The following SHROOM3 variants were observed in gnomAD, a reference collection of about 807,000 sequenced individuals.
SHROOM3 encodes the protein protein Shroom3.
A neutral mutation model predicts 138.6 loss-of-function variants in SHROOM3; 47 were observed. The ratio of observed to expected loss-of-function variants is 0.34; its 90% CI spans 0.27 to 0.43. The LOEUF is 0.43. Ranked by LOEUF, SHROOM3 falls within the 20% of genes least tolerant of loss-of-function variation. SHROOM3 has a pLI of 1.00. For synonymous variants in SHROOM3, 1,062 were observed against 1,063.3 expected (o/e 1.00, Z 0.02); for missense variants, 2,491 against 2,596.5 (o/e 0.96, Z 0.88).
intron 2 of SHROOM3, among the ~76,000 whole-genome samples, chr4:76,576,689 G>A (rs945534761): frequency 6.6e-6 from 1 of 152,064 alleles, no homozygotes; most frequent in Non-Finnish European, 1.5e-5. Flanking sequence ...GGCTTGAGGA[G>A]ATGGATACCC....
At chr4:76,552,727 C>T (rs1733391744) in intron 1 of SHROOM3, among the ~76,000 whole-genome samples, 1 of 151,272 alleles carries the variant, frequency 6.6e-6, no homozygotes, top group African/African-American at 2.4e-5. Context: ...ATTGCTTGGT[C>T]TATTTTATGT....
intron 6 of SHROOM3, among the ~76,000 whole-genome samples, chr4:76,753,047 C>T (rs1377916989): frequency 4.6e-5 from 7 of 152,092 alleles, no homozygotes; most frequent in Non-Finnish European, 4.4e-5. Flanking sequence ...TACTTGGTGG[C>T]AGGTACTGGG....
intron 9 of SHROOM3, among the ~76,000 whole-genome samples, chr4:76,762,920 A>G (rs1214442152): frequency 6.6e-6 from 1 of 152,226 alleles, no homozygotes; most frequent in African/African-American, 2.4e-5. Flanking sequence ...ATAAAACCTG[A>G]GATCAGCATT....
At chr4:76,772,603 G>A (rs1722400589) in intron 10 of SHROOM3, among the ~76,000 whole-genome samples, 1 of 152,184 alleles carries the variant, frequency 6.6e-6, no homozygotes, top group African/African-American at 2.4e-5. Flanking sequence ...TCGTGTAAAT[G>A]TGCTGAGTCA....
chr4:76,586,340 C>G (rs777036981), intron 2 of SHROOM3: 10 of 985,590 alleles, frequency 1.0e-5, no homozygotes, highest in Admixed American at 1.2e-4. Flanking sequence ...CAGAACCGTG[C>G]CTCTAGGCCA....
At chr4:76,778,547 T>G (rs377157591) in intron 10 of SHROOM3, among the ~76,000 whole-genome samples, 3 of 152,180 alleles carry the variant, frequency 2.0e-5, no homozygotes, top group East Asian at 1.9e-4. Flanking sequence ...AAGTCAAGAA[T>G]CTGAAAGCAA....
intron 1 of SHROOM3, among the ~76,000 whole-genome samples, chr4:76,555,136 A>G (rs1159405977): frequency 1.3e-5 from 2 of 151,998 alleles, no homozygotes; most frequent in Non-Finnish European, 2.9e-5. Flanking sequence ...TAAAGTGCAC[A>G]ATAAATGCAA....
At chr4:76,455,848 T>C (rs1318962550) in intron 1 of SHROOM3, among the ~76,000 whole-genome samples, 1 of 152,158 alleles carries the variant, frequency 6.6e-6, no homozygotes. Flanking sequence ...CTTGAAAACG[T>C]GCATCCCCAG....
chr4:76,623,005 A>G (rs775114978), intron 2 of SHROOM3, among the ~76,000 whole-genome samples: 2 of 152,190 alleles, frequency 1.3e-5, no homozygotes, highest in Non-Finnish European at 2.9e-5. Flanking sequence ...AACTTTAGGA[A>G]TGCATTAGGC....
chr4:76,779,358 T>C lies in SHROOM3; in HGVS notation c.*181T>C. ...CCTTCTTGCCCTTCCTGATTGATCTTCTGAGAGCTCGAATGCTGCTGGACA... is the reference window on the plus strand; with the variant it reads ...CCTTCTTGCCCTTCCTGATTGATCTCCTGAGAGCTCGAATGCTGCTGGACA... On this transcript the variant is annotated 3_prime_UTR_variant, in exon 11 of 11. Transcript: ENST00000296043. 1 of 723,294 alleles carries C rather than the reference T, an allele frequency of 1.4e-6. No homozygotes were observed. The highest frequency in any genetic ancestry group is 2.2e-6 in the Non-Finnish European group (1 of 454,818). 44.8% of individuals were successfully genotyped at this position (723,294 alleles called of 1,614,324 possible). A position where few individuals can be genotyped will look rare whatever the true frequency, so the allele number is the denominator to read the frequency against.
At chr4:76,442,494 C>G (rs1730715046) in intron 1 of SHROOM3, among the ~76,000 whole-genome samples, 1 of 150,724 alleles carries the variant, frequency 6.6e-6, no homozygotes, top group Non-Finnish European at 1.5e-5. Context: ...ACTGTAAGCT[C>G]CACCTCCCGG....
intron 1 of SHROOM3, among the ~76,000 whole-genome samples, chr4:76,453,779 C>A (rs1206262510): frequency 6.6e-6 from 1 of 152,094 alleles, no homozygotes; most frequent in African/African-American, 2.4e-5. Flanking sequence ...TTGATATTAA[C>A]CCCCTATCAG....
At chr4:76,738,726 G>C (rs761805227) in intron 4 of SHROOM3, 35 bp from the exon 5 acceptor site, 3 of 1,611,168 alleles carry the variant, frequency 1.9e-6, no homozygotes, top group Non-Finnish European at 2.5e-6. Context: ...AATGATAACA[G>C]CTCAGTGGTA....
rs577142529 is a variant in SHROOM3, at chr4:76,481,512, TA to T, written c.168+45304del. Reference sequence around the variant, plus strand: ...ATAGCCTGCCAACCAGGTAGGCTATTAAAAAAAAAAAAGCCCAGGACCAGAT... The same window carrying T: ...ATAGCCTGCCAACCAGGTAGGCTATTAAAAAAAAAAAGCCCAGGACCAGAT... On this transcript the variant is annotated intron_variant, in intron 1 of 10. Transcript: ENST00000296043. Among the ~76,000 whole-genome samples the T allele has an allele frequency of 2.8e-3, 393 of 138,690 alleles. 3 individuals are homozygous for T. The highest frequency in any genetic ancestry group is 0.019 in the East Asian group (91 of 4,830). The allele number at this position is 138,690 out of a possible 152,430, so 91.0% of individuals were successfully genotyped here. A position where few individuals can be genotyped will look rare whatever the true frequency, so the allele number is the denominator to read the frequency against.
At chr4:76,662,278 T>A (rs1376696541) in intron 2 of SHROOM3, among the ~76,000 whole-genome samples, 2 of 152,198 alleles carry the variant, frequency 1.3e-5, no homozygotes, top group African/African-American at 4.8e-5. Flanking sequence ...CTTGTGGTTG[T>A]AGGATGAAGT....
intron 2 of SHROOM3, among the ~76,000 whole-genome samples, chr4:76,583,276 C>T (rs1290190270): frequency 6.6e-6 from 1 of 152,258 alleles, no homozygotes; most frequent in Non-Finnish European, 1.5e-5. Flanking sequence ...GACTTGAGGA[C>T]CCCTGAGCTC....
intron 2 of SHROOM3, among the ~76,000 whole-genome samples, chr4:76,601,939 A>T (rs1734515694): frequency 6.6e-6 from 1 of 152,220 alleles, no homozygotes; most frequent in South Asian, 2.1e-4. Flanking sequence ...AAAAACAACA[A>T]CCAGGTTGAT....
intron 4 of SHROOM3, 82 bp from the exon 5 acceptor site, chr4:76,738,679 C>T: frequency 6.5e-7 from 1 of 1,528,448 alleles, no homozygotes; most frequent in Non-Finnish European, 9.1e-7. Context: ...CACAAGAGAA[C>T]ATTTATAAGC....
chr4:76,752,158 A>G (rs1379988738), intron 6 of SHROOM3, among the ~76,000 whole-genome samples: 1 of 152,260 alleles, frequency 6.6e-6, no homozygotes, highest in African/African-American at 2.4e-5. Context: ...ATTCTGCCAC[A>G]TGCTTCAACA....
Sources: gnomAD v4.1 joint callset for allele counts (sites outside exome capture counted in the v4.1 genomes callset) on GRCh38, gnomAD v4.1.1 for gene constraint, MANE v1.5 for transcripts, NCBI Gene and HGNC (gene_info 2026-07-23, HGNC 2026-07-21) for gene names.